The following OLFM3 variants were observed in gnomAD, a reference collection of about 807,000 sequenced individuals.
OLFM3 encodes the protein noelin-3.
A neutral mutation model predicts 48.6 loss-of-function variants in OLFM3; 20 were observed. That is an observed-to-expected ratio of 0.41 (90% CI 0.29 to 0.60). OLFM3 has a LOEUF of 0.60. Ranked by LOEUF, OLFM3 falls within the 20% of genes least tolerant of loss-of-function variation. The probability of loss-of-function intolerance (pLI) is 0.28; values close to 1 mark genes in which losing one functional copy is unlikely to be tolerated. For synonymous variants in OLFM3, 222 were observed against 198.1 expected (o/e 1.12, Z -1.01); for missense variants, 437 against 544.3 (o/e 0.80, Z 1.96).
intron 2 of OLFM3, among the ~76,000 whole-genome samples, chr1:101,831,676 AG>A (rs1655158059): frequency 6.6e-6 from 1 of 152,216 alleles, no homozygotes; most frequent in Admixed American, 6.5e-5. Context: ...CTATGCTGTT[AG>A]TACTCAAAGC....
chr1:101,872,468 A>G (rs1657119357), intron 1 of OLFM3, among the ~76,000 whole-genome samples: 2 of 152,062 alleles, frequency 1.3e-5, no homozygotes, highest in East Asian at 3.9e-4. Flanking sequence ...TTTAATACAT[A>G]CATGTCTGAT....
At chr1:101,965,896 TG>T (rs1660595570) in intron 1 of OLFM3, among the ~76,000 whole-genome samples, 1 of 152,194 alleles carries the variant, frequency 6.6e-6, no homozygotes, top group African/African-American at 2.4e-5. Context: ...ATTTGGTAAA[TG>T]GGAGATACTG....
At chr1:101,946,575 CTT>C (rs1659970475) in intron 1 of OLFM3, among the ~76,000 whole-genome samples, 1 of 152,150 alleles carries the variant, frequency 6.6e-6, no homozygotes, top group Non-Finnish European at 1.5e-5. Context: ...AAGTGGCAAT[CTT>C]TTACTCAATT....
At chr1:101,952,440 TG>T (rs1465802554) in intron 1 of OLFM3, among the ~76,000 whole-genome samples, 1 of 152,114 alleles carries the variant, frequency 6.6e-6, no homozygotes, top group Non-Finnish European at 1.5e-5. Flanking sequence ...AAACATTTTT[TG>T]TGAGTAGATG....
At chr1:101,843,960 C>T (rs962111110) in intron 1 of OLFM3, among the ~76,000 whole-genome samples, 6 of 152,158 alleles carry the variant, frequency 3.9e-5, no homozygotes, top group Non-Finnish European at 7.4e-5. Flanking sequence ...TCATCCCATT[C>T]ATACTGTTTA....
chr1:101,899,873 T>C (rs1658334123), intron 1 of OLFM3, among the ~76,000 whole-genome samples: 1 of 152,158 alleles, frequency 6.6e-6, no homozygotes, highest in African/African-American at 2.4e-5. Context: ...TTTAGCTTCA[T>C]TCTTTGTTTT....
At chr1:101,818,825 AT>A (rs1316261176) in intron 4 of OLFM3, among the ~76,000 whole-genome samples, 1 of 152,092 alleles carries the variant, frequency 6.6e-6, no homozygotes, top group Admixed American at 6.6e-5. Context: ...ACACACATTG[AT>A]TTATTTCTTG....
At chr1:101,946,442 T>C (rs1041826721) in intron 1 of OLFM3, among the ~76,000 whole-genome samples, 3 of 152,152 alleles carry the variant, frequency 2.0e-5, no homozygotes, top group Admixed American at 2.0e-4. Context: ...ACCCTTTAAA[T>C]AAACAGGCAA....
intron 1 of OLFM3, among the ~76,000 whole-genome samples, chr1:101,939,662 T>C (rs1659727312): frequency 6.6e-6 from 1 of 152,126 alleles, no homozygotes; most frequent in African/African-American, 2.4e-5. Flanking sequence ...TGTGTGTGGC[T>C]TCAGAAGGGA....
intron 4 of OLFM3, chr1:101,813,246 AT>A: frequency 2.6e-6 from 1 of 380,084 alleles, no homozygotes. Flanking sequence ...TCAATATTAA[AT>A]AAAAATTATT....
At chr1:101,868,638 A>G (rs891727292) in intron 1 of OLFM3, among the ~76,000 whole-genome samples, 2 of 152,360 alleles carry the variant, frequency 1.3e-5, no homozygotes, top group African/African-American at 2.4e-5. Flanking sequence ...AGAAATTTAC[A>G]TAAGTAATGA....
chr1:101,953,349 T>G (rs1271539686), intron 1 of OLFM3, among the ~76,000 whole-genome samples: 1 of 152,234 alleles, frequency 6.6e-6, no homozygotes, highest in East Asian at 1.9e-4. Context: ...GCCCCACTCA[T>G]TTGTTCACAT....
rs1660392366 is a variant in OLFM3, at chr1:101,959,159, G to C, written c.69+37589C>G. Among the ~76,000 whole-genome samples, 3 of 151,964 alleles carry C rather than the reference G, an allele frequency of 2.0e-5. No homozygotes were observed. In the South Asian group the frequency reaches 6.2e-4, roughly 32 times the overall value. On this transcript the variant is annotated intron_variant, in intron 1 of 5. Transcript: ENST00000370103. ...GGACTACCTATAAACTGCATGTGAG[G>C]CTGCAATGCATGCAGGCATATCATT...
At chr1:101,929,690 C>A (rs1659389135) in intron 1 of OLFM3, among the ~76,000 whole-genome samples, 1 of 152,086 alleles carries the variant, frequency 6.6e-6, no homozygotes, top group South Asian at 2.1e-4. Context: ...CCAGTTCAAA[C>A]TTTCTGCCAC....
intron 1 of OLFM3, among the ~76,000 whole-genome samples, chr1:101,945,415 T>C (rs1570653904): frequency 6.6e-6 from 1 of 152,126 alleles, no homozygotes; most frequent in East Asian, 1.9e-4. Context: ...AGAGTATATA[T>C]GGTATGATTC....
intron 1 of OLFM3, among the ~76,000 whole-genome samples, chr1:101,877,801 A>AT (rs902496719): frequency 9.1e-4 from 137 of 150,002 alleles, no homozygotes; most frequent in Admixed American, 2.3e-3. Context: ...TTAATGAAGC[A>AT]TTTTTTTTTC....
intron 1 of OLFM3, among the ~76,000 whole-genome samples, chr1:101,962,444 G>A (rs933316520): frequency 1.3e-5 from 2 of 152,016 alleles, no homozygotes; most frequent in Non-Finnish European, 2.9e-5. Context: ...AGAGAATTGA[G>A]CTTTATTCTC....
chr1:101,856,929 A>G (rs959670260), intron 1 of OLFM3, among the ~76,000 whole-genome samples: 1 of 152,048 alleles, frequency 6.6e-6, no homozygotes. Context: ...TTAGTACCAC[A>G]TAGTGTAATG....
intron 1 of OLFM3, among the ~76,000 whole-genome samples, chr1:101,939,551 C>T (rs747458245): frequency 2.0e-5 from 3 of 152,108 alleles, no homozygotes; most frequent in African/African-American, 4.8e-5. Flanking sequence ...ACTGTTGAGG[C>T]TCTTTGGAAC....
Sources: allele counts gnomAD v4.1 joint callset (sites outside exome capture counted in the v4.1 genomes callset), GRCh38; gene constraint gnomAD v4.1.1; transcripts MANE v1.5; gene names NCBI Gene and HGNC (gene_info 2026-07-23, HGNC 2026-07-21).